EMCN: variants seen among roughly 807,000 people sequenced by gnomAD.
EMCN encodes endomucin.
Under a neutral mutation model 38.4 loss-of-function variants are expected in EMCN, and 37 were observed. The observed-to-expected ratio is 0.96, with a 90% confidence interval of 0.74 to 1.27. The LOEUF is 1.27. EMCN is among the 50% of genes most tolerant of loss of function. The pLI, the probability that EMCN is intolerant of heterozygous loss-of-function variation, is 0.00. For missense variants in EMCN, 318 were observed against 302.8 expected, an observed-to-expected ratio of 1.05 and a Z score of -0.37; for synonymous variants, 95 against 100.8, an observed-to-expected ratio of 0.94 and a Z score of 0.35.
rs1726101306 is a variant in EMCN, at chr4:100,395,635, G to A, written c.*2778C>T. ...GAATGACCACAAGTAGAGCTCAACA[G>A]AGAATAATCAGGCAAAAAATCAGGA... On this transcript the variant is annotated 3_prime_UTR_variant, in exon 12 of 12. Coordinates refer to ENST00000296420, the MANE Select transcript of EMCN (RefSeq NM_016242.4). 1 of 152,092 alleles carries A rather than the reference G, an allele frequency of 6.6e-6. No homozygotes were observed. Among genetic ancestry groups the A allele is most frequent in the Non-Finnish European group, 1.5e-5 (1 of 68,002 alleles). The allele number at this position is 152,092 out of a possible 1,614,324, so 9.4% of individuals were successfully genotyped here. A position where few individuals can be genotyped will look rare whatever the true frequency, so the allele number is the denominator to read the frequency against.
intron 1 of EMCN, chr4:100,486,754 A>G (rs1000485893): frequency 3.1e-6 from 2 of 648,354 alleles, no homozygotes; most frequent in Admixed American, 1.3e-4. Context: ...TCCAGTGGTG[A>G]GTTTGTTAAA....
At chr4:100,476,723 T>C (rs1242904299) in intron 2 of EMCN, among the ~76,000 whole-genome samples, 2 of 152,194 alleles carry the variant, frequency 1.3e-5, no homozygotes, top group Non-Finnish European at 2.9e-5. Flanking sequence ...AAGAAATGCC[T>C]AATTTGTAAA....
intron 5 of EMCN, among the ~76,000 whole-genome samples, chr4:100,445,568 G>A (rs1274648429): frequency 6.6e-6 from 1 of 152,158 alleles, no homozygotes; most frequent in Non-Finnish European, 1.5e-5. Context: ...TCTATGGGCT[G>A]TAATTTTATG....
chr4:100,460,520 T>A (rs1414385960), intron 4 of EMCN, among the ~76,000 whole-genome samples: 1 of 152,098 alleles, frequency 6.6e-6, no homozygotes, highest in African/African-American at 2.4e-5. Context: ...CAAAGTCACG[T>A]CTTACATGAT....
chr4:100,515,977 C>G (rs971778605), intron 1 of EMCN, among the ~76,000 whole-genome samples: 1 of 146,742 alleles, frequency 6.8e-6, no homozygotes, highest in African/African-American at 2.5e-5. Flanking sequence ...AGCCTCCTCT[C>G]TAAGACAAAT....
At chr4:100,440,758 G>T (rs939362548) in intron 5 of EMCN, among the ~76,000 whole-genome samples, 1 of 151,864 alleles carries the variant, frequency 6.6e-6, no homozygotes, top group Non-Finnish European at 1.5e-5. Flanking sequence ...TTAATATGAC[G>T]ACTTCTTTTC....
At chr4:100,448,219 A>G (rs1206790280) in intron 4 of EMCN, among the ~76,000 whole-genome samples, 1 of 152,160 alleles carries the variant, frequency 6.6e-6, no homozygotes, top group Non-Finnish European at 1.5e-5. Flanking sequence ...ATAATCAAAG[A>G]TCACTTCAAC....
intron 1 of EMCN, among the ~76,000 whole-genome samples, chr4:100,501,845 A>G (rs961695113): frequency 1.4e-5 from 2 of 147,238 alleles, no homozygotes; most frequent in African/African-American, 4.9e-5. Context: ...AAACTCTTTA[A>G]TTCTAGTGGG....
intron 1 of EMCN, among the ~76,000 whole-genome samples, chr4:100,494,870 C>T (rs1729171749): frequency 6.6e-6 from 1 of 151,490 alleles, no homozygotes; most frequent in South Asian, 2.1e-4. Flanking sequence ...CTTTTAAGAA[C>T]AAAAATATCT....
At chr4:100,440,636 A>G (rs1452931320) in intron 5 of EMCN, among the ~76,000 whole-genome samples, 2 of 152,086 alleles carry the variant, frequency 1.3e-5, no homozygotes, top group African/African-American at 2.4e-5. Flanking sequence ...ATATATATAA[A>G]TATATATCAC....
intron 5 of EMCN, among the ~76,000 whole-genome samples, chr4:100,425,222 C>A (rs1446124960): frequency 1.3e-5 from 2 of 148,704 alleles, no homozygotes; most frequent in Non-Finnish European, 1.5e-5. Flanking sequence ...AATTAACCTA[C>A]AGTTTGAGAA....
chr4:100,485,030 G>A (rs983123151), intron 1 of EMCN, among the ~76,000 whole-genome samples: 6 of 151,988 alleles, frequency 3.9e-5, no homozygotes. Flanking sequence ...ATTTTGGAAG[G>A]AAGGTTTAAA....
intron 11 of EMCN, among the ~76,000 whole-genome samples, chr4:100,409,156 C>T (rs1298457880): frequency 6.6e-6 from 1 of 152,172 alleles, no homozygotes; most frequent in African/African-American, 2.4e-5. Context: ...CAATATTTCT[C>T]ATCGTGGACA....
In EMCN at chr4:100,395,843, C is replaced by T. The variant is rs1726105897; in HGVS notation, c.*2570G>A. ...CCTGTATGTCAGCCAACAACATCCA[C>T]TTAGTCTCAGGTGACAACAGTGCCA... On this transcript the variant is annotated 3_prime_UTR_variant, in exon 12 of 12. Coordinates refer to ENST00000296420, the MANE Select transcript of EMCN (RefSeq NM_016242.4). 1 of 152,154 alleles carries T rather than the reference C, an allele frequency of 6.6e-6. No homozygotes were observed. Among genetic ancestry groups the T allele is most frequent in the Admixed American group, 6.6e-5 (1 of 15,264 alleles). The allele number at this position is 152,154 out of a possible 1,614,324, so 9.4% of individuals were successfully genotyped here.
chr4:100,425,614 G>A (rs1308932720), intron 5 of EMCN, among the ~76,000 whole-genome samples: 1 of 151,792 alleles, frequency 6.6e-6, no homozygotes, highest in African/African-American at 2.4e-5. Context: ...AAAATTATAT[G>A]AGTAAAAATA....
chr4:100,457,473 T>A (rs181768229), intron 4 of EMCN, among the ~76,000 whole-genome samples: 11 of 152,312 alleles, frequency 7.2e-5, no homozygotes, highest in Admixed American at 5.9e-4. Context: ...GGGCAATTTT[T>A]AAAAATTTAT....
chr4:100,515,388 A>G (rs566103364), intron 1 of EMCN, among the ~76,000 whole-genome samples: 97 of 152,274 alleles, frequency 6.4e-4, no homozygotes, highest in East Asian at 5.8e-4. Flanking sequence ...ACATTTCAAT[A>G]GAACAGCTTT....
rs147635381 is a variant in EMCN, at chr4:100,438,303, G to A, written c.415+9230C>T. 1.4e-4 allele frequency among the ~76,000 whole-genome samples: 22 copies of A among 152,032 alleles called. 1 individual carries two copies. The highest frequency in any genetic ancestry group is 5.2e-4 in the Admixed American group (8 of 15,262). On this transcript the variant is annotated intron_variant, in intron 5 of 11. Coordinates refer to ENST00000296420, the MANE Select transcript of EMCN (RefSeq NM_016242.4). ...ATTTTTGACATACAACATTTTCAAC[G>A]TATGATGGGTTTATCAGAATGTAAC...
At chr4:100,454,203 G>T (rs1014840137) in intron 4 of EMCN, among the ~76,000 whole-genome samples, 59 of 144,168 alleles carry the variant, frequency 4.1e-4, no homozygotes, top group Non-Finnish European at 6.0e-5. Context: ...AAATAAAAAA[G>T]AGTTAATGAG....
Sources: gnomAD v4.1 joint callset for allele counts (sites outside exome capture counted in the v4.1 genomes callset) on GRCh38, gnomAD v4.1.1 for gene constraint, MANE v1.5 for transcripts, NCBI Gene and HGNC (gene_info 2026-07-23, HGNC 2026-07-21) for gene names.